Variants in FARS2 observed in about 807,000 individuals in gnomAD.
FARS2 encodes phenylalanine--tRNA ligase, mitochondrial.
FARS2 carries 40 observed loss-of-function variants against 46.4 expected under a neutral mutation model. That is an observed-to-expected ratio of 0.86 (90% confidence interval 0.67 to 1.12). The LOEUF is 1.12. Among genes scored for constraint, FARS2 ranks in the 50% most tolerant of loss-of-function variants. The pLI, the probability that FARS2 is intolerant of heterozygous loss-of-function variation, is 0.00. For missense variants in FARS2, 513 were observed against 567.9 expected, an observed-to-expected ratio of 0.90 and a Z score of 0.98; for synonymous variants, 234 against 214.9, an observed-to-expected ratio of 1.09 and a Z score of -0.78.
chr6:5,291,756 TAAAA>T (rs199840201), intron 1 of FARS2, among the ~76,000 whole-genome samples: 1 of 145,120 alleles, frequency 6.9e-6, no homozygotes, highest in African/African-American at 2.5e-5. Flanking sequence ...ACCCATCTCT[TAAAA>T]AAAAAAAGAA....
intron 6 of FARS2, among the ~76,000 whole-genome samples, chr6:5,716,803 G>A (rs1308712041): frequency 5.9e-5 from 9 of 152,168 alleles, no homozygotes; most frequent in African/African-American, 1.9e-4. Context: ...AAGTGCAGAG[G>A]GCAAAATATG....
chr6:5,707,904 C>T (rs1275288416), intron 6 of FARS2, among the ~76,000 whole-genome samples: 3 of 152,196 alleles, frequency 2.0e-5, no homozygotes, highest in Non-Finnish European at 2.9e-5. Context: ...GGGGTGCCGC[C>T]GTGGGAGCCC....
At chr6:5,447,754 G>T (rs1190420357) in intron 4 of FARS2, among the ~76,000 whole-genome samples, 1 of 152,204 alleles carries the variant, frequency 6.6e-6, no homozygotes, top group Non-Finnish European at 1.5e-5. Flanking sequence ...AGGTAGGGAG[G>T]CTGAGTAGCA....
intron 6 of FARS2, among the ~76,000 whole-genome samples, chr6:5,730,264 A>AAG (rs147119905): frequency 6.6e-6 from 1 of 152,198 alleles, no homozygotes; most frequent in African/African-American, 2.4e-5. Context: ...CCTTTCTAGA[A>AAG]AGAGAGAGAG....
At chr6:5,537,462 C>A (rs1399544567) in intron 4 of FARS2, among the ~76,000 whole-genome samples, 2 of 136,234 alleles carry the variant, frequency 1.5e-5, no homozygotes, top group South Asian at 2.4e-4. Context: ...GGCCTCCTCT[C>A]GAGCTGGAGA....
intron 6 of FARS2, among the ~76,000 whole-genome samples, chr6:5,767,056 C>CA (rs1016782577): frequency 6.6e-5 from 10 of 151,296 alleles, no homozygotes; most frequent in African/African-American, 2.4e-4. Context: ...TTAATCCATC[C>CA]AAAAAAAATT....
At chr6:5,432,363 A>T (rs1418646931) in intron 4 of FARS2, among the ~76,000 whole-genome samples, 4 of 84,100 alleles carry the variant, frequency 4.8e-5, no homozygotes, top group Non-Finnish European at 1.0e-4. Context: ...ATATATATAT[A>T]ATATATTATA....
At chr6:5,603,639 G>C (rs6911625) in intron 5 of FARS2, among the ~76,000 whole-genome samples, 19,739 of 152,220 alleles carry the variant, frequency 0.13, 1,604 homozygotes, top group Non-Finnish European at 0.17. Flanking sequence ...CGTTATCCCA[G>C]CCTCTGGCTT....
chr6:5,509,123 T>A (rs1019580602), intron 4 of FARS2, among the ~76,000 whole-genome samples: 2 of 152,174 alleles, frequency 1.3e-5, no homozygotes, highest in African/African-American at 4.8e-5. Context: ...ATAGAAGGGA[T>A]GAAAAAACAT....
chr6:5,535,527 C>G (rs1770138433), intron 4 of FARS2, among the ~76,000 whole-genome samples: 1 of 152,168 alleles, frequency 6.6e-6, no homozygotes, highest in East Asian at 1.9e-4. Context: ...TCTCTGGTTA[C>G]AACTTTTAGT....
At chr6:5,737,931 G>A (rs1761055243) in intron 6 of FARS2, among the ~76,000 whole-genome samples, 1 of 152,150 alleles carries the variant, frequency 6.6e-6, no homozygotes, top group African/African-American at 2.4e-5. Flanking sequence ...CATACCTTCA[G>A]AATTCGTTGT....
intron 6 of FARS2, among the ~76,000 whole-genome samples, chr6:5,677,984 A>G (rs1333031199): frequency 6.6e-6 from 1 of 152,178 alleles, no homozygotes; most frequent in Non-Finnish European, 1.5e-5. Flanking sequence ...CAAGAAATGG[A>G]TGGATGTGGA....
chr6:5,300,032 A>T (rs958410561), intron 1 of FARS2, among the ~76,000 whole-genome samples: 53 of 152,282 alleles, frequency 3.5e-4, no homozygotes, highest in African/African-American at 1.2e-3. Context: ...GAAAGTTTAG[A>T]TGTCAAATTT....
intron 5 of FARS2, among the ~76,000 whole-genome samples, chr6:5,578,084 A>G (rs1773093282): frequency 6.6e-6 from 1 of 152,288 alleles, no homozygotes; most frequent in Middle Eastern, 3.4e-3. Context: ...TACAGGTGCC[A>G]TTGTATCTTT....
chr6:5,443,263 A>G (rs150142923), intron 4 of FARS2, among the ~76,000 whole-genome samples: 1 of 152,224 alleles, frequency 6.6e-6, no homozygotes, highest in Non-Finnish European at 1.5e-5. Context: ...TGAGTGAGCA[A>G]ATAAAAGGTG....
chr6:5,488,159 CCT>C (rs760705924), intron 4 of FARS2, among the ~76,000 whole-genome samples: 9 of 152,178 alleles, frequency 5.9e-5, no homozygotes, highest in Non-Finnish European at 8.8e-5. Context: ...CCCTTTTTTA[CCT>C]CTGTCTCTCT....
chr6:5,688,044 T>G (rs1001639114), intron 6 of FARS2, among the ~76,000 whole-genome samples: 4 of 152,236 alleles, frequency 2.6e-5, no homozygotes, highest in African/African-American at 9.6e-5. Flanking sequence ...TTTTGCACAT[T>G]GATTTTGTAT....
At chr6:5,557,085 C>T (rs1013807152) in intron 5 of FARS2, among the ~76,000 whole-genome samples, 6 of 152,006 alleles carry the variant, frequency 3.9e-5, no homozygotes, top group East Asian at 1.9e-4. Flanking sequence ...CAGAAGGAAC[C>T]GGTTTGAAGG....
intron 4 of FARS2, among the ~76,000 whole-genome samples, chr6:5,433,855 A>C (rs1392337260): frequency 6.6e-6 from 1 of 152,218 alleles, no homozygotes; most frequent in Non-Finnish European, 1.5e-5. Flanking sequence ...CACGGTTTCC[A>C]ATATCCTTGA....
Sources: allele counts gnomAD v4.1 joint callset (sites outside exome capture counted in the v4.1 genomes callset), GRCh38; gene constraint gnomAD v4.1.1; transcripts MANE v1.5; gene names NCBI Gene and HGNC (gene_info 2026-07-23, HGNC 2026-07-21).